PER1: variants seen among roughly 807,000 people sequenced by gnomAD.
PER1 encodes period circadian protein homolog 1.
In PER1, 87 loss-of-function variants were observed where a neutral mutation model predicts 125.9. The ratio of observed to expected loss-of-function variants is 0.69; its 90% CI spans 0.58 to 0.83. The LOEUF (loss-of-function observed/expected upper bound fraction) is 0.83. PER1 is among the 40% of genes least tolerant of loss of function. The probability of loss-of-function intolerance (pLI) is 0.00; values close to 1 mark genes in which losing one functional copy is unlikely to be tolerated. For missense variants in PER1, 1,775 were observed against 1,722.8 expected (o/e 1.03, Z -0.54); for synonymous variants, 801 against 714.7 (o/e 1.12, Z -1.93).
At chr17:8,145,247 T>G in intron 17 of PER1, 5 of 365,724 alleles carry the variant, frequency 1.4e-5, no homozygotes, top group Non-Finnish European at 1.5e-5. Flanking sequence ...CCAGGAACTC[T>G]ACTGGGATGA....
intron 18 of PER1, 135 bp downstream of exon 18, chr17:8,144,616 C>A: frequency 8.0e-7 from 1 of 1,252,448 alleles, no homozygotes; most frequent in Non-Finnish European, 1.1e-6. Flanking sequence ...GGGCCTGTCC[C>A]TAGGCAGGGC....
At position 8,141,302 on chromosome 17, in the gene PER1, A is replaced by C. The variant is rs749520456; in HGVS notation, c.3639T>G (p.Gly1213=). The stretch of plus-strand genomic sequence containing the variant: ...CTGAGAAGAGTGGGTCATCAGGGTG[A>C]CCAGGATCTTGGGTGCTGCTCCCAC... The part of the protein sequence containing the change: ...VDCGSSTQDP[G]HPDDPLFSEL... Residue 1213 remains glycine, a synonymous_variant, in exon 23 of 23, where the codon GGT becomes GGG. Transcript: ENST00000317276. 1 of 1,613,600 alleles carries C rather than the reference A, an allele frequency of 6.2e-7. No individual in the cohort carries two copies. Among genetic ancestry groups the C allele is most frequent in the Non-Finnish European group, 8.5e-7 (1 of 1,179,776 alleles).
rs149009600 is a variant in PER1 at position 8,148,245 on chromosome 17, G to C, written c.1063C>G (p.Pro355Ala). Reference sequence around the variant, plus strand: ...CGCGTAGTGAAAATCCTCTTGTCAGGGGGTATCCGGGGAGCTGAGGCACAG... The same window carrying C: ...CGCGTAGTGAAAATCCTCTTGTCAGCGGGTATCCGGGGAGCTGAGGCACAG... ...HSGYEAPRIP[P>A]DKRIFTTRHT... The change falls in exon 9 of 23, where the codon CCT (proline) becomes GCT (alanine). Residue 355 changes from proline (P) to alanine (A), a missense_variant. Transcript: ENST00000317276. 11 of 1,613,910 alleles carry C rather than the reference G, an allele frequency of 6.8e-6. No individual in the cohort carries two copies. The highest frequency in any genetic ancestry group is 1.1e-5 in the South Asian group (1 of 91,090).
intron 18 of PER1, 56 bp from the exon 19 acceptor site, chr17:8,143,932 T>C: frequency 2.6e-6 from 4 of 1,546,836 alleles, no homozygotes; most frequent in Non-Finnish European, 3.5e-6. Context: ...GTACCCCTGC[T>C]ACCCACACTG....
rs774714087 is a variant in PER1 at position 8,147,721 on chromosome 17, G to C, written c.1341C>G (p.Pro447=). 1.9e-6 allele frequency: 3 copies of C among 1,614,124 alleles called. No homozygotes were observed. Among genetic ancestry groups the C allele is most frequent in the South Asian group, 2.2e-5 (2 of 91,092 alleles). ...MDTSWAGFVH[P]WSRKVAFVLG... ...ACACGAAGGCTACCTTGCGGCTCCA[G>C]GGGTGCACAAAGCCAGCCCAGCTGG... is the stretch of plus-strand genomic sequence containing the variant. The change falls in exon 11 of 23, where the codon CCC becomes CCG. Residue 447 remains proline (P), a synonymous_variant. Coordinates refer to ENST00000317276, the MANE Select transcript of PER1 (RefSeq NM_002616.3).
chr17:8,146,769 G>A lies in PER1; in HGVS notation c.1736-4C>T. Reference sequence around the variant, plus strand: ...TTGGCCTTGAACGTGCCTGTAGCTGGGGCAAAGAGAGAAAGAGGAAAATAG... The same window carrying A: ...TTGGCCTTGAACGTGCCTGTAGCTGAGGCAAAGAGAGAAAGAGGAAAATAG... On this transcript the variant is annotated splice_polypyrimidine_tract_variant and splice_region_variant and intron_variant, in intron 14 of 22. Coordinates refer to ENST00000317276, the MANE Select transcript of PER1 (RefSeq NM_002616.3). 1 of 1,608,984 alleles carries A rather than the reference G, an allele frequency of 6.2e-7. No individual in the cohort carries two copies. The highest frequency in any genetic ancestry group is 8.5e-7 in the Non-Finnish European group (1 of 1,178,232).
rs567894211 is a variant in PER1 at position 8,141,787 on chromosome 17, G to A, written c.3600+18C>T. 1.1e-5 allele frequency: 15 copies of A among 1,339,564 alleles called. No homozygotes were observed. In the African/African-American group the frequency reaches 1.4e-4, roughly 13 times the overall value. 83.0% of individuals were successfully genotyped at this position (1,339,564 alleles called of 1,614,324 possible). ...TTGAGCTCAATTCTTTTTTCTCCCC[G>A]TCCCAGGCTTCTCTCACCATCACAT... On this transcript the variant is annotated intron_variant, in intron 22 of 22. Coordinates refer to ENST00000317276, the MANE Select transcript of PER1 (RefSeq NM_002616.3).
chr17:8,146,239 G>A, intron 16 of PER1, 102 bp from the exon 17 acceptor site: 1 of 1,524,942 alleles, frequency 6.6e-7, no homozygotes, highest in Non-Finnish European at 8.8e-7. Flanking sequence ...AGGGAACAGA[G>A]GGAACAGTCT....
rs1470840903 is a variant in PER1, at chr17:8,145,939, C to T, written c.2218+19G>A. On this transcript the variant is annotated intron_variant, in intron 17 of 22. Coordinates refer to ENST00000317276, the MANE Select transcript of PER1 (RefSeq NM_002616.3). ...GACCGGTGGAGCCCAAGCACTGCCCCCCAATTCCACACCCATACCCGACTC... is the reference window on the plus strand; with the variant it reads ...GACCGGTGGAGCCCAAGCACTGCCCTCCAATTCCACACCCATACCCGACTC... 3 of 1,577,242 alleles carry T rather than the reference C, an allele frequency of 1.9e-6. No homozygotes were observed. In the African/African-American group the frequency reaches 4.0e-5, roughly 21 times the overall value.
At chr17:8,149,726 C>T (rs199914207) in intron 5 of PER1, 29 bp downstream of exon 5, 25 of 1,612,662 alleles carry the variant, frequency 1.6e-5, no homozygotes, top group East Asian at 2.2e-5. Context: ...AGGGGTGCGT[C>T]GGGATGCAGA....
chr17:8,147,763 C>G lies in PER1; in HGVS notation c.1299G>C (p.Glu433Asp). The change falls in exon 11 of 23, where the codon GAG becomes GAC. Residue 433 changes from glutamate (E) to aspartate (D), a missense_variant. Transcript: ENST00000317276. Reference protein sequence around the residue: ...SPIRFCARNGEYVTMDTSWAG... With the variant: ...SPIRFCARNGDYVTMDTSWAG... ...CCCAGCTGGTGTCCATGGTGACATA[C>G]TCCCCGTTGCGGGCACAGAAGCGGA... 1 of 1,614,110 alleles carries G rather than the reference C, an allele frequency of 6.2e-7. No individual in the cohort carries two copies. The highest frequency in any genetic ancestry group is 8.5e-7 in the Non-Finnish European group (1 of 1,180,020).
rs767934467 is a variant in PER1 at position 8,147,660 on chromosome 17, C to T, written c.1388+14G>A. 16 of 1,613,784 alleles carry T rather than the reference C, an allele frequency of 9.9e-6. No individual in the cohort carries two copies. The highest frequency in any genetic ancestry group is 8.9e-5 in the East Asian group (4 of 44,880). On this transcript the variant is annotated intron_variant, in intron 11 of 22. Transcript: ENST00000317276. Reference sequence around the variant, plus strand: ...CCTATCCCCAACGCCAGCTCGGGGGCATGGCCCACTTACGTGCGTACTTTG... The same window carrying T: ...CCTATCCCCAACGCCAGCTCGGGGGTATGGCCCACTTACGTGCGTACTTTG...
At position 8,143,992 on chromosome 17, in the gene PER1, T is replaced by A; in HGVS notation, c.2462-116A>T. On this transcript the variant is annotated intron_variant, in intron 18 of 22. Coordinates refer to ENST00000317276, the MANE Select transcript of PER1 (RefSeq NM_002616.3). ...GACAGGCCAAGGTCCCAGAGAGAGC[T>A]TCTCAACCCACACAGAACGGGGGAC... is the stretch of plus-strand genomic sequence containing the variant. 6 of 1,446,186 alleles carry A rather than the reference T, an allele frequency of 4.1e-6. No homozygotes were observed. The South Asian group carries it at 7.2e-5, about 17-fold the overall frequency. 89.6% of individuals were successfully genotyped at this position (1,446,186 alleles called of 1,614,324 possible).
chr17:8,144,065 AG>A (rs778069358), intron 18 of PER1, 189 bp from the exon 19 acceptor site: 20 of 868,138 alleles, frequency 2.3e-5, no homozygotes, highest in East Asian at 1.2e-4. Flanking sequence ...GCCAGGGACA[AG>A]GGGATTTATT....
At position 8,147,518 on chromosome 17, in the gene PER1, G is replaced by C. The variant is rs780929974; in HGVS notation, c.1449C>G (p.Asp483Glu). 6.2e-7 allele frequency: 1 copy of C among 1,613,834 alleles called. No individual in the cohort carries two copies. Among genetic ancestry groups the C allele is most frequent in the Non-Finnish European group, 8.5e-7 (1 of 1,179,834 alleles). The change falls in exon 12 of 23, where the codon GAC becomes GAG. Residue 483 changes from aspartate to glutamate, a missense_variant. Coordinates refer to ENST00000317276, the MANE Select transcript of PER1 (RefSeq NM_002616.3). ...GCTCTGACAGCTCCTGGATATCAGT[G>C]TCCAGGGAGGGAGCTGGGCTGGGGG... ...PPAPSPAPSLDTDIQELSEQI... is the reference protein window; with the variant it reads ...PPAPSPAPSLETDIQELSEQI...
chr17:8,143,949 C>A (rs1455956924), intron 18 of PER1, 73 bp from the exon 19 acceptor site: 1 of 1,520,392 alleles, frequency 6.6e-7, no homozygotes, highest in Non-Finnish European at 8.8e-7. Flanking sequence ...ACTGCCCTGA[C>A]ACGCTGACCA....
intron 18 of PER1, chr17:8,144,143 G>A (rs1337910884): frequency 1.0e-5 from 5 of 489,212 alleles, no homozygotes; most frequent in Non-Finnish European, 1.8e-5. Flanking sequence ...GAAGATGGAG[G>A]CATGCTGGCA....
chr17:8,149,875 G>A lies in PER1; in HGVS notation c.531C>T (p.Ala177=), dbSNP rs200951186. 5.5e-5 allele frequency: 89 copies of A among 1,614,166 alleles called. No homozygotes were observed. In the East Asian group the frequency reaches 2.0e-3, roughly 36 times the overall value. The change falls in exon 5 of 23, where the codon GCC becomes GCT. Residue 177 remains alanine (A), a splice_region_variant and synonymous_variant. Transcript: ENST00000317276. ...YALACVKQVQ[A]NQEYYQQWSL... The stretch of plus-strand genomic sequence containing the variant: ...TCCACTGCTGGTAGTATTCCTGGTT[G>A]GCTGCAGAGTGGAGGCAGTGAGGCA...
chr17:8,151,999 A>G (rs911666219), intron 1 of PER1, among the ~76,000 whole-genome samples: 5 of 152,202 alleles, frequency 3.3e-5, no homozygotes, highest in Non-Finnish European at 5.9e-5. Context: ...GGAGCGCTGA[A>G]AGCCTAATAG....
Sources: allele counts gnomAD v4.1 joint callset (sites outside exome capture counted in the v4.1 genomes callset), GRCh38; gene constraint gnomAD v4.1.1; transcripts MANE v1.5; gene names NCBI Gene and HGNC (gene_info 2026-07-23, HGNC 2026-07-21).